PLAGL1: variants seen among roughly 807,000 people sequenced by gnomAD.
PLAGL1 encodes PLAG1 like zinc finger 1.
Under a neutral mutation model 4.6 loss-of-function variants are expected in PLAGL1, and 1 was observed. The ratio of observed to expected loss-of-function variants is 0.22; its 90% confidence interval spans 0.08 to 1.03. PLAGL1 has a LOEUF of 1.03. Among genes scored for constraint, PLAGL1 ranks in the 50% least tolerant of loss-of-function variants. The probability of loss-of-function intolerance (pLI) is 0.58; values close to 1 mark genes in which losing one functional copy is unlikely to be tolerated. For synonymous variants in PLAGL1, 240 were observed against 237.8 expected (o/e 1.01, Z -0.08); for missense variants, 464 against 570.4 (o/e 0.81, Z 1.90).
chr6:144,045,366 T>C (rs1798061549), intron 1 of PLAGL1, among the ~76,000 whole-genome samples: 1 of 152,246 alleles, frequency 6.6e-6, no homozygotes, highest in Non-Finnish European at 1.5e-5. Context: ...GGAGCTCTTG[T>C]AAGGCAGGCC....
At position 143,972,136 on chromosome 6, in the gene PLAGL1, T is replaced by C. The variant is rs1486755423; in HGVS notation, c.-543-3158A>G. Among the ~76,000 whole-genome samples the C allele has an allele frequency of 6.6e-6, 1 of 152,360 alleles. No homozygotes were observed. ...TTAGTATTTGCAGTTGAAACTGTGATAAGTAATTACTTTCAAAGGAATGTA... is the reference window on the plus strand; with the variant it reads ...TTAGTATTTGCAGTTGAAACTGTGACAAGTAATTACTTTCAAAGGAATGTA... On this transcript the variant is annotated intron_variant, in intron 2 of 7. Transcript: ENST00000674357. This position sits in a 1 kb window ranked among gnomAD's most constrained non-coding sequence, Gnocchi z 6.8.
intron 1 of PLAGL1, among the ~76,000 whole-genome samples, chr6:144,003,600 G>A (rs977851927): frequency 4.6e-4 from 67 of 147,074 alleles, no homozygotes; most frequent in African/African-American, 1.5e-3. Flanking sequence ...CTCCAGCCTG[G>A]GTGATAAAGT....
At chr6:143,944,424 A>G (rs1189721255) in intron 7 of PLAGL1, among the ~76,000 whole-genome samples, 1 of 152,062 alleles carries the variant, frequency 6.6e-6, no homozygotes, top group African/African-American at 2.4e-5. Context: ...ATAAAGTACA[A>G]CCTCATACCT....
chr6:143,992,267 G>A (rs976420849), intron 1 of PLAGL1, among the ~76,000 whole-genome samples: 1 of 152,200 alleles, frequency 6.6e-6, no homozygotes, highest in African/African-American at 2.4e-5. Flanking sequence ...AACCACAGTG[G>A]CTGAGAAGGC....
intron 1 of PLAGL1, among the ~76,000 whole-genome samples, chr6:144,038,301 G>A (rs1030304467): frequency 6.6e-6 from 1 of 152,150 alleles, no homozygotes; most frequent in African/African-American, 2.4e-5. Flanking sequence ...CAAGATTTTG[G>A]TTAATTTCAT....
rs1380293908 is a variant in PLAGL1, at chr6:143,962,829, C to T, written c.-399+1958G>A. The stretch of plus-strand genomic sequence containing the variant: ...ATTTGAGTGGGAAAGAATTGGGCAA[C>T]CCTCAAACACTGGGAAGTCTGCCCT... On this transcript the variant is annotated intron_variant, in intron 5 of 7. Transcript: ENST00000674357. This position sits in a 1 kb window ranked among gnomAD's most constrained non-coding sequence, Gnocchi z 5.3. Among the ~76,000 whole-genome samples the T allele has an allele frequency of 1.3e-5, 2 of 152,180 alleles. No homozygotes were observed. Among genetic ancestry groups the T allele is most frequent in the Non-Finnish European group, 2.9e-5 (2 of 68,052 alleles).
rs2128532346 is a variant in PLAGL1 at position 143,952,378 on chromosome 6, G to C, written c.-324-3918C>G. On this transcript the variant is annotated intron_variant, in intron 6 of 7. Coordinates refer to ENST00000674357, the MANE Select transcript of PLAGL1 (RefSeq NM_001317162.2). The surrounding 1 kb of genome is among the most constrained non-coding windows in gnomAD (Gnocchi z 6.1). ...ATTGCATTTGAGTCTTAAATACGGT[G>C]CTATTTCAACACCTGTCACCCTAGA... 6.6e-6 allele frequency among the ~76,000 whole-genome samples: 1 copy of C among 152,224 alleles called. No homozygotes were observed. Among genetic ancestry groups the C allele is most frequent in the Admixed American group, 6.5e-5 (1 of 15,288 alleles).
chr6:143,970,755 C>A lies in PLAGL1; in HGVS notation c.-543-1777G>T, dbSNP rs1355523645. Reference sequence around the variant, plus strand: ...GGTTTCTCTTAAGTTACTTGAAATTCTTCTTCTTGGATATTACAGCAGTCT... The same window carrying A: ...GGTTTCTCTTAAGTTACTTGAAATTATTCTTCTTGGATATTACAGCAGTCT... On this transcript the variant is annotated intron_variant, in intron 2 of 7. Coordinates refer to ENST00000674357, the MANE Select transcript of PLAGL1 (RefSeq NM_001317162.2). This position sits in a 1 kb window ranked among gnomAD's most constrained non-coding sequence, Gnocchi z 5.8. Among the ~76,000 whole-genome samples the A allele has an allele frequency of 6.6e-6, 1 of 152,144 alleles. No homozygotes were observed. Among genetic ancestry groups the A allele is most frequent in the East Asian group, 1.9e-4 (1 of 5,198 alleles).
chr6:143,940,561 T>C lies in PLAGL1; in HGVS notation c.*863A>G. 6.6e-6 allele frequency: 1 copy of C among 152,412 alleles called. No individual in the cohort carries two copies. The highest frequency in any genetic ancestry group is 1.9e-4 in the East Asian group (1 of 5,208). 9.4% of individuals were successfully genotyped at this position (152,412 alleles called of 1,614,324 possible). On this transcript the variant is annotated 3_prime_UTR_variant, in exon 8 of 8. Transcript: ENST00000674357. ...TTAAGAACTTAAGCAGCTTGAGTAG[T>C]AGTTTAAGCTAGACAGAGCAAAGAA...
chr6:144,049,250 C>CGGAA (rs1254889929), intron 1 of PLAGL1, among the ~76,000 whole-genome samples: 1 of 152,232 alleles, frequency 6.6e-6, no homozygotes. Context: ...CTAGAAAGTT[C>CGGAA]CAAACTTTCC....
chr6:143,972,342 G>C lies in PLAGL1; in HGVS notation c.-543-3364C>G, dbSNP rs532089754. Among the ~76,000 whole-genome samples, 419 of 152,312 alleles carry C rather than the reference G, an allele frequency of 2.8e-3. 3 individuals carry two copies. The highest frequency in any genetic ancestry group is 9.6e-3 in the African/African-American group (397 of 41,566). Reference sequence around the variant, plus strand: ...ATAATAGAGGTGTACACAAAGGGCTGGGGGCCAAAGGAAGAAGCCATAAAT... The same window carrying C: ...ATAATAGAGGTGTACACAAAGGGCTCGGGGCCAAAGGAAGAAGCCATAAAT... On this transcript the variant is annotated intron_variant, in intron 2 of 7. Coordinates refer to ENST00000674357, the MANE Select transcript of PLAGL1 (RefSeq NM_001317162.2). The surrounding 1 kb of genome is among the most constrained non-coding windows in gnomAD (Gnocchi z 6.8).
intron 6 of PLAGL1, among the ~76,000 whole-genome samples, chr6:143,956,860 T>C (rs535877832): frequency 6.6e-6 from 1 of 152,326 alleles, no homozygotes; most frequent in Non-Finnish European, 1.5e-5. Context: ...GGGGAAGGGA[T>C]GACTCTGATG....
At chr6:143,999,029 T>C (rs1792277141) in intron 1 of PLAGL1, among the ~76,000 whole-genome samples, 1 of 151,966 alleles carries the variant, frequency 6.6e-6, no homozygotes, top group Non-Finnish European at 1.5e-5. Context: ...ACCCCAGTGG[T>C]CACTACACAT....
At position 144,027,234 on chromosome 6, in the gene PLAGL1, CGAAAGAAA is replaced by C. The variant is rs67928472; in HGVS notation, c.-151+37226_-151+37233del. ...GAAAGACCCCAACTCAAAGAACGAACGAAAGAAAGAAAGAAAGAAAGAAAGAAAGAAAG... is the reference window on the plus strand; with the variant it reads ...GAAAGACCCCAACTCAAAGAACGAACGAAAGAAAGAAAGAAAGAAAGAAAG... On this transcript the variant is annotated intron_variant, in intron 1 of 3. Coordinates refer to the PLAGL1 transcript ENST00000437412. The surrounding 1 kb of genome is among the most constrained non-coding windows in gnomAD (Gnocchi z 5.8). 0.098 allele frequency among the ~76,000 whole-genome samples: 10,907 copies of C among 111,448 alleles called. 571 individuals are homozygous for C. Among genetic ancestry groups the C allele is most frequent in the Admixed American group, 0.13 (1,376 of 10,518 alleles). 73.1% of individuals were successfully genotyped at this position (111,448 alleles called of 152,430 possible).
In PLAGL1 at chr6:144,055,431, G is replaced by T. The variant is rs970092796; in HGVS notation, c.-151+9037C>A. Among the ~76,000 whole-genome samples the T allele has an allele frequency of 6.6e-6, 1 of 152,182 alleles. No individual in the cohort carries two copies. Among genetic ancestry groups the T allele is most frequent in the African/African-American group, 2.4e-5 (1 of 41,454 alleles). ...ATTTTATTATACAGATGAGGCTTAT[G>T]GTTTAAATGGAGGTTCTTATCTGTG... On this transcript the variant is annotated intron_variant, in intron 1 of 3. Coordinates refer to the PLAGL1 transcript ENST00000437412. This position sits in a 1 kb window ranked among gnomAD's most constrained non-coding sequence, Gnocchi z 5.0.
intron 1 of PLAGL1, among the ~76,000 whole-genome samples, chr6:143,999,278 C>G (rs1792323427): frequency 6.6e-6 from 1 of 152,108 alleles, no homozygotes. Context: ...CAGGATTGAT[C>G]CTAATTGACC....
chr6:143,955,361 T>C lies in PLAGL1; in HGVS notation c.-325+5108A>G, dbSNP rs1269812548. Among the ~76,000 whole-genome samples the C allele has an allele frequency of 6.6e-6, 1 of 152,130 alleles. No homozygotes were observed. The highest frequency in any genetic ancestry group is 1.5e-5 in the Non-Finnish European group (1 of 68,012). On this transcript the variant is annotated intron_variant, in intron 6 of 7. Transcript: ENST00000674357. This position sits in a 1 kb window ranked among gnomAD's most constrained non-coding sequence, Gnocchi z 4.9. ...CAAAGGAGAAAACAGGCTAGAGAGA[T>C]GGAGAATCGTGAAGGGTCCACTCTA...
In PLAGL1 at chr6:144,039,512, G is replaced by T. The variant is rs1184605498; in HGVS notation, c.-151+24956C>A. On this transcript the variant is annotated intron_variant, in intron 1 of 3. Coordinates refer to the PLAGL1 transcript ENST00000437412. The surrounding 1 kb of genome is among the most constrained non-coding windows in gnomAD (Gnocchi z 4.1). ...GAGACACGAGAATTGCTTGAACCTG[G>T]GAGGTGGAGGTTGCAGTGAGCCAAG... 1.3e-5 allele frequency among the ~76,000 whole-genome samples: 2 copies of T among 152,154 alleles called. No individual in the cohort carries two copies. Among genetic ancestry groups the T allele is most frequent in the Non-Finnish European group, 1.5e-5 (1 of 68,016 alleles).
Position 143,968,574 on chromosome 6 carries a change from T to C in PLAGL1, c.-472+333A>G, listed in dbSNP as rs1784860187. On this transcript the variant is annotated intron_variant, in intron 3 of 7. Transcript: ENST00000674357. This position sits in a 1 kb window ranked among gnomAD's most constrained non-coding sequence, Gnocchi z 6.3. ...GTGAGCAAGTCATGATAAGTAAAAA[T>C]CAACTGTACAATGCCCATGATTTCT... is the stretch of plus-strand genomic sequence containing the variant. 6.6e-6 allele frequency: 1 copy of C among 152,130 alleles called. No homozygotes were observed. The allele number at this position is 152,130 out of a possible 1,614,324, so 9.4% of individuals were successfully genotyped here.
Sources: gnomAD v4.1 joint callset for allele counts (sites outside exome capture counted in the v4.1 genomes callset) on GRCh38, gnomAD v4.1.1 for gene constraint, Gnocchi (gnomAD v3.1) non-coding constraint, MANE v1.5 for transcripts, NCBI Gene and HGNC (gene_info 2026-07-23, HGNC 2026-07-21) for gene names.